The following FNDC3A variants were observed in gnomAD, a reference collection of about 807,000 sequenced individuals.
FNDC3A encodes the protein fibronectin type-III domain-containing protein 3A.
A neutral mutation model predicts 148.9 loss-of-function variants in FNDC3A; 32 were observed. The ratio of observed to expected loss-of-function variants is 0.21; its 90% CI spans 0.16 to 0.29. The LOEUF (loss-of-function observed/expected upper bound fraction) is 0.29, where lower values mean the gene tolerates loss of function less well. FNDC3A is among the 10% of genes least tolerant of loss of function. FNDC3A has a pLI of 1.00. For missense variants in FNDC3A, 1,191 were observed against 1,452.8 expected (o/e 0.82, Z 2.93); for synonymous variants, 472 against 473.6 (o/e 1.00, Z 0.04).
chr13:49,178,543 A>C (rs1885148227), intron 13 of FNDC3A, 25 bp from the exon 14 acceptor site: 5 of 1,403,376 alleles, frequency 3.6e-6, no homozygotes, highest in Non-Finnish European at 5.0e-6. Flanking sequence ...ACATCGAATG[A>C]AGACTTTGTT....
At chr13:49,016,017 G>A (rs2137626593) in intron 2 of FNDC3A, among the ~76,000 whole-genome samples, 1 of 152,128 alleles carries the variant, frequency 6.6e-6, no homozygotes, top group African/African-American at 2.4e-5. Context: ...GTATTTTATT[G>A]AGGATTTTTG....
At chr13:49,026,185 T>C (rs1198868711) in intron 2 of FNDC3A, among the ~76,000 whole-genome samples, 1 of 152,192 alleles carries the variant, frequency 6.6e-6, no homozygotes, top group African/African-American at 2.4e-5. Flanking sequence ...GTGAAGTCAC[T>C]GATATAAATG....
intron 2 of FNDC3A, among the ~76,000 whole-genome samples, chr13:49,016,414 A>G (rs1008099467): frequency 1.2e-4 from 18 of 152,188 alleles, no homozygotes; most frequent in African/African-American, 1.9e-4. Context: ...GTATTCTCTG[A>G]TGGTAGTTTG....
intron 3 of FNDC3A, among the ~76,000 whole-genome samples, chr13:49,082,545 T>C (rs1319609529): frequency 6.6e-6 from 1 of 152,114 alleles, no homozygotes; most frequent in African/African-American, 2.4e-5. Context: ...TAAGATGATA[T>C]TGAGACTCCT....
chr13:49,013,667 C>T (rs1952421290), intron 2 of FNDC3A, among the ~76,000 whole-genome samples: 2 of 151,258 alleles, frequency 1.3e-5, no homozygotes, highest in South Asian at 4.2e-4. Flanking sequence ...TATACATGTA[C>T]ATATGTGCCA....
intron 2 of FNDC3A, among the ~76,000 whole-genome samples, chr13:49,017,613 T>C (rs549112033): frequency 6.6e-6 from 1 of 152,302 alleles, no homozygotes; most frequent in African/African-American, 2.4e-5. Flanking sequence ...TTAAAGTTAA[T>C]ATTGTTATGT....
chr13:48,994,469 C>G (rs1392317534), intron 1 of FNDC3A, among the ~76,000 whole-genome samples: 3 of 152,188 alleles, frequency 2.0e-5, no homozygotes, highest in Admixed American at 6.5e-5. Context: ...TCCTGTCTTT[C>G]AGAGATACAT....
intron 2 of FNDC3A, among the ~76,000 whole-genome samples, chr13:49,015,620 G>A (rs1309301434): frequency 6.6e-6 from 1 of 152,142 alleles, no homozygotes; most frequent in African/African-American, 2.4e-5. Context: ...GCCCTGGCCA[G>A]AACTTCCAAC....
intron 2 of FNDC3A, among the ~76,000 whole-genome samples, chr13:49,008,088 A>AACT (rs1157157340): frequency 1.2e-4 from 18 of 152,202 alleles, no homozygotes; most frequent in African/African-American, 4.3e-4. Context: ...GAACTCAGTA[A>AACT]ATGTTTGCCG....
At chr13:49,069,134 G>C (rs2137761919) in intron 2 of FNDC3A, among the ~76,000 whole-genome samples, 1 of 151,956 alleles carries the variant, frequency 6.6e-6, no homozygotes, top group African/African-American at 2.4e-5. Context: ...CTTAAGTGTA[G>C]GTATTATTAA....
chr13:49,001,194 C>T (rs551235873), intron 1 of FNDC3A, among the ~76,000 whole-genome samples: 80 of 152,260 alleles, frequency 5.3e-4, no homozygotes, highest in Admixed American at 7.2e-4. Flanking sequence ...TAATTTCTTA[C>T]GCCTGTATTT....
At chr13:49,195,006 T>C (rs1423286451) in intron 19 of FNDC3A, among the ~76,000 whole-genome samples, 5 of 152,158 alleles carry the variant, frequency 3.3e-5, no homozygotes, top group African/African-American at 1.2e-4. Context: ...GATTTTGCCC[T>C]TTATAGATGT....
intron 2 of FNDC3A, among the ~76,000 whole-genome samples, chr13:49,062,077 G>A (rs1178307510): frequency 1.2e-4 from 19 of 152,088 alleles, no homozygotes; most frequent in South Asian, 2.1e-4. Flanking sequence ...ACAAAGCCCC[G>A]AAGTATCACC....
At chr13:49,136,894 T>A (rs1882398584) in intron 6 of FNDC3A, among the ~76,000 whole-genome samples, 1 of 152,154 alleles carries the variant, frequency 6.6e-6, no homozygotes, top group Admixed American at 6.5e-5. Flanking sequence ...AAACTTTTTT[T>A]TTTTGAGACA....
At position 48,994,708 on chromosome 13, in the gene FNDC3A, G is replaced by T. The variant is rs562527004; in HGVS notation, c.-39-11444G>T. 3.9e-5 allele frequency among the ~76,000 whole-genome samples: 6 copies of T among 152,180 alleles called. No homozygotes were observed. In the East Asian group the frequency reaches 1.2e-3, roughly 29 times the overall value. On this transcript the variant is annotated intron_variant, in intron 1 of 25. Coordinates refer to ENST00000492622, the MANE Select transcript of FNDC3A (RefSeq NM_001079673.2). Reference sequence around the variant, plus strand: ...CAGGAGAATTGCTTGAACCTGGGAAGCGGGGGTTGCAGTGAGCCGAGATGT... The same window carrying T: ...CAGGAGAATTGCTTGAACCTGGGAATCGGGGGTTGCAGTGAGCCGAGATGT...
intron 4 of FNDC3A, among the ~76,000 whole-genome samples, chr13:49,126,009 CT>C (rs1280899697): frequency 1.3e-5 from 2 of 151,978 alleles, no homozygotes; most frequent in East Asian, 1.9e-4. Flanking sequence ...TATATTTTAT[CT>C]TTTTTTTCCT....
At chr13:49,007,573 T>C (rs183745609) in intron 2 of FNDC3A, among the ~76,000 whole-genome samples, 260 of 152,272 alleles carry the variant, frequency 1.7e-3, no homozygotes, top group African/African-American at 6.1e-3. Flanking sequence ...AGTACATTGA[T>C]AGAGTTGCAT....
intron 3 of FNDC3A, among the ~76,000 whole-genome samples, chr13:49,091,210 A>G (rs1013532962): frequency 2.2e-4 from 34 of 152,152 alleles, no homozygotes; most frequent in African/African-American, 6.0e-4. Flanking sequence ...TTAAATGTCC[A>G]GTTTTCAACA....
At chr13:49,204,590 G>A (rs1015199251) in intron 25 of FNDC3A, among the ~76,000 whole-genome samples, 9 of 152,100 alleles carry the variant, frequency 5.9e-5, no homozygotes, top group African/African-American at 2.2e-4. Context: ...CAGATAAGTA[G>A]GTTTCCTTCT....
Sources: gnomAD v4.1 joint callset for allele counts (sites outside exome capture counted in the v4.1 genomes callset) on GRCh38, gnomAD v4.1.1 for gene constraint, MANE v1.5 for transcripts, NCBI Gene and HGNC (gene_info 2026-07-23, HGNC 2026-07-21) for gene names.